LEO1: variants seen among roughly 807,000 people sequenced by gnomAD.
LEO1 encodes the protein RNA polymerase-associated protein LEO1.
A neutral mutation model predicts 80.4 loss-of-function variants in LEO1; 34 were observed. That is an observed-to-expected ratio of 0.42 (90% confidence interval 0.32 to 0.56). The LOEUF (loss-of-function observed/expected upper bound fraction) is 0.56. Among genes scored for constraint, LEO1 ranks in the 20% least tolerant of loss-of-function variants. The pLI is 0.10. For missense variants in LEO1, 631 were observed against 814.2 expected (o/e 0.77, Z 2.74); for synonymous variants, 262 against 274.9 (o/e 0.95, Z 0.46).
chr15:51,958,020 CA>C (rs11319310), intron 6 of LEO1, among the ~76,000 whole-genome samples: 66,472 of 150,868 alleles, frequency 0.44, 14,807 homozygotes, highest in Admixed American at 0.53. Context: ...TGCTCCTTCT[CA>C]AAAAAAAATA....
At position 51,971,698 on chromosome 15, in the gene LEO1, A is replaced by G. The variant is rs1189018310; in HGVS notation, c.48T>C (p.Ala16=). The G allele has an allele frequency of 3.1e-6, 5 of 1,614,168 alleles. No homozygotes were observed. In the South Asian group the frequency reaches 4.4e-5, roughly 14 times the overall value. Residue 16 remains alanine, a synonymous_variant, in exon 1 of 12, where the codon GCT becomes GCC. Coordinates refer to ENST00000299601, the MANE Select transcript of LEO1 (RefSeq NM_138792.4). ...GACCAGCGAACCCACCTTTACGCTC[A>G]GCTTCGCTGTCGGCGTCGCTCCCGA... The part of the protein sequence containing the change: ...DLFGSDADSE[A]ERKDSDSGSD...
chr15:51,953,252 T>C lies in LEO1; in HGVS notation c.1352A>G (p.His451Arg). Residue 451 changes from histidine to arginine, a missense_variant, in exon 8 of 12, where the codon CAT (histidine) becomes CGT (arginine). By Grantham distance (29) the His-to-Arg change is conservative. Around this residue, in one of 4 missense-constraint regions of LEO1, gnomAD observed 95 missense variants for 171.7 expected, o/e 0.55. Coordinates refer to ENST00000299601, the MANE Select transcript of LEO1 (RefSeq NM_138792.4). ...VKWSDGSMSL[H>R]LGNEVFDVYK... Reference sequence around the variant, plus strand: ...CACATCAAACACTTCATTGCCTAAATGCAGGGACATGCTGGAAAGAGAAAC... The same window carrying C: ...CACATCAAACACTTCATTGCCTAAACGCAGGGACATGCTGGAAAGAGAAAC... The C allele has an allele frequency of 6.2e-7, 1 of 1,612,784 alleles. No homozygotes were observed. The highest frequency in any genetic ancestry group is 8.5e-7 in the Non-Finnish European group (1 of 1,179,620).
chr15:51,953,813 T>G (rs1401146867), intron 7 of LEO1, among the ~76,000 whole-genome samples: 1 of 152,044 alleles, frequency 6.6e-6, no homozygotes, highest in African/African-American at 2.4e-5. Flanking sequence ...AATGTCAATT[T>G]GTGGCTGGGC....
At chr15:51,952,053 GAAGT>G (rs1250763966) in intron 8 of LEO1, 74 bp from the exon 9 acceptor site, 11 of 1,366,666 alleles carry the variant, frequency 8.0e-6, no homozygotes, top group African/African-American at 4.3e-5. Context: ...CCACGTCACA[GAAGT>G]AAGAGCCCAG....
At chr15:51,941,852 A>G (rs2056855571) in intron 11 of LEO1, among the ~76,000 whole-genome samples, 1 of 152,220 alleles carries the variant, frequency 6.6e-6, no homozygotes. Flanking sequence ...CATTTTTACA[A>G]GACAGCGAGT....
At position 51,965,799 on chromosome 15, in the gene LEO1, T is replaced by C. The variant is rs144504049; in HGVS notation, c.764A>G (p.Asp255Gly). Residue 255 changes from aspartate (D) to glycine (G), a missense_variant, in exon 2 of 12, where the codon GAT (aspartate) becomes GGT (glycine). Asp to Gly is a moderately conservative substitution (Grantham distance 94). Around this residue, in one of 4 missense-constraint regions of LEO1, gnomAD observed 394 missense variants for 395.6 expected, o/e 1.00. Transcript: ENST00000299601. ...ATCATCTGAATGCCTGTGTTCTTCA[T>C]CTGAGGCCTGTGGCCTTTCATCATC... is the stretch of plus-strand genomic sequence containing the variant. ...NSDDERPQAS[D>G]EEHRHSDDEE... 187 of 1,613,724 alleles carry C rather than the reference T, an allele frequency of 1.2e-4. 1 individual carries two copies. The highest frequency in any genetic ancestry group is 2.8e-5 in the Non-Finnish European group (33 of 1,179,970).
intron 11 of LEO1, among the ~76,000 whole-genome samples, chr15:51,941,621 A>G (rs976233737): frequency 1.6e-4 from 24 of 152,178 alleles, no homozygotes; most frequent in African/African-American, 5.8e-4. Flanking sequence ...GTACCGGCAC[A>G]CACTTTCTCC....
At chr15:51,945,341 C>G (rs2056891058) in intron 11 of LEO1, among the ~76,000 whole-genome samples, 1 of 150,406 alleles carries the variant, frequency 6.6e-6, no homozygotes, top group Non-Finnish European at 1.5e-5. Flanking sequence ...CCCTCTTCCT[C>G]TCACTCACAA....
Position 51,959,946 on chromosome 15 carries a change from G to A in LEO1, c.1113C>T (p.Asn371=), listed in dbSNP as rs150743989. The A allele has an allele frequency of 1.7e-4, 278 of 1,611,292 alleles. No individual in the cohort carries two copies. Among genetic ancestry groups the A allele is most frequent in the African/African-American group, 3.1e-4 (23 of 74,736 alleles). The change falls in exon 5 of 12, where the codon AAC becomes AAT. Residue 371 remains asparagine (N), a synonymous_variant. Transcript: ENST00000299601. ...TGGGCAGTTTAACAAAATATAAGTC[G>A]TTTCCTAAATCAGTGTTTACTTTGG... The part of the protein sequence containing the change: ...EIPKVNTDLG[N]DLYFVKLPNF...
At chr15:51,971,652 G>T in intron 1 of LEO1, 36 bp downstream of exon 1, 1 of 1,608,528 alleles carries the variant, frequency 6.2e-7, no homozygotes, top group South Asian at 1.1e-5. Context: ...CGGAAGGCCT[G>T]CCACGCACCC....
intron 1 of LEO1, among the ~76,000 whole-genome samples, chr15:51,971,049 C>A (rs527439342): frequency 1.3e-5 from 2 of 152,282 alleles, no homozygotes; most frequent in Non-Finnish European, 2.9e-5. Context: ...ATCAACAAAT[C>A]CTTCATTCCT....
At chr15:51,952,749 G>A (rs906555676) in intron 8 of LEO1, among the ~76,000 whole-genome samples, 6 of 152,112 alleles carry the variant, frequency 3.9e-5, no homozygotes, top group African/African-American at 9.7e-5. Flanking sequence ...GCTTTCCTTC[G>A]ATTGCATGCA....
intron 3 of LEO1, among the ~76,000 whole-genome samples, 171 bp from the exon 4 acceptor site, chr15:51,960,904 A>G (rs1315456888): frequency 1.3e-5 from 2 of 152,142 alleles, no homozygotes; most frequent in African/African-American, 4.8e-5. Context: ...GGGGAGAGGG[A>G]AGGGGGCAAA....
At chr15:51,969,239 G>A (rs1038401024) in intron 1 of LEO1, among the ~76,000 whole-genome samples, 4 of 152,012 alleles carry the variant, frequency 2.6e-5, no homozygotes, top group Admixed American at 6.6e-5. Flanking sequence ...GATTACAGGC[G>A]TGAGCCACTG....
chr15:51,970,308 C>T (rs531164279), intron 1 of LEO1, among the ~76,000 whole-genome samples: 5 of 152,258 alleles, frequency 3.3e-5, no homozygotes, highest in East Asian at 1.9e-4. Flanking sequence ...CAGGCACGCA[C>T]GACCACACCT....
At chr15:51,939,931 T>A (rs989529094) in intron 11 of LEO1, among the ~76,000 whole-genome samples, 2 of 152,034 alleles carry the variant, frequency 1.3e-5, no homozygotes, top group Non-Finnish European at 2.9e-5. Context: ...TCCTCTGGAG[T>A]AAGAAGCTGT....
At chr15:51,945,950 C>T (rs2056896769) in intron 11 of LEO1, among the ~76,000 whole-genome samples, 1 of 151,584 alleles carries the variant, frequency 6.6e-6, no homozygotes, top group Non-Finnish European at 1.5e-5. Flanking sequence ...AGGAAAATGG[C>T]ATGAACCCAG....
intron 11 of LEO1, among the ~76,000 whole-genome samples, chr15:51,939,356 C>T (rs1160895405): frequency 1.3e-5 from 2 of 152,140 alleles, no homozygotes; most frequent in Non-Finnish European, 2.9e-5. Flanking sequence ...GGCTGGCCCT[C>T]TGACAGACAA....
chr15:51,959,500 T>C (rs2057014099), intron 5 of LEO1, among the ~76,000 whole-genome samples: 1 of 152,192 alleles, frequency 6.6e-6, no homozygotes, highest in Non-Finnish European at 1.5e-5. Context: ...GTAAACTTAG[T>C]AAATAATACC....
Sources: gnomAD v4.1 joint callset for allele counts (sites outside exome capture counted in the v4.1 genomes callset) on GRCh38, gnomAD v4.1.1 for gene constraint, gnomAD v4.1.1 regional missense constraint, MANE v1.5 for transcripts, NCBI Gene and HGNC (gene_info 2026-07-23, HGNC 2026-07-21) for gene names.